The following ADAMTSL1 variants were observed in gnomAD, a reference collection of about 807,000 sequenced individuals.
ADAMTSL1 encodes ADAMTS-like protein 1.
ADAMTSL1 carries 126 observed loss-of-function variants against 201.8 expected under a neutral mutation model. The observed-to-expected ratio is 0.62, with a 90% CI of 0.54 to 0.72. The LOEUF is 0.72. Among genes scored for constraint, ADAMTSL1 ranks in the 30% least tolerant of loss-of-function variants. ADAMTSL1 has a pLI of 0.00. For synonymous variants in ADAMTSL1, 1,121 were observed against 903.4 expected, an observed-to-expected ratio of 1.24 and a Z score of -4.32; for missense variants, 2,679 against 2,277.8, an observed-to-expected ratio of 1.18 and a Z score of -3.59.
intron 2 of ADAMTSL1, among the ~76,000 whole-genome samples, chr9:18,175,778 A>C (rs1828119051): frequency 6.6e-6 from 1 of 152,106 alleles, no homozygotes; most frequent in East Asian, 1.9e-4. Context: ...GGGTCTCACT[A>C]TCTTTGCTCA....
chr9:18,903,689 C>T (rs553853979), intron 26 of ADAMTSL1, among the ~76,000 whole-genome samples: 31 of 146,082 alleles, frequency 2.1e-4, no homozygotes, highest in African/African-American at 7.5e-4. Context: ...TGCTTCTCTA[C>T]AGTTGTCCCT....
intron 1 of ADAMTSL1, among the ~76,000 whole-genome samples, chr9:18,047,879 G>C (rs1563968793): frequency 6.6e-6 from 1 of 152,222 alleles, no homozygotes; most frequent in Non-Finnish European, 1.5e-5. Context: ...CATCCAACAG[G>C]CAGTAGGGAG....
chr9:18,396,780 T>A (rs975225037), intron 2 of ADAMTSL1, among the ~76,000 whole-genome samples: 1 of 152,106 alleles, frequency 6.6e-6, no homozygotes, highest in African/African-American at 2.4e-5. Flanking sequence ...CTTAGTCACT[T>A]TTAAATTACA....
At chr9:18,662,125 T>G in intron 9 of ADAMTSL1, 52 bp downstream of exon 9, 1 of 1,569,414 alleles carries the variant, frequency 6.4e-7, no homozygotes, top group Non-Finnish European at 8.6e-7. Context: ...AAGTTCCAAA[T>G]AGGTTATTTA....
At chr9:18,603,950 TGCAGAAAGGGTGCTCAGTC>T (rs1246295374) in intron 4 of ADAMTSL1, among the ~76,000 whole-genome samples, 1 of 152,222 alleles carries the variant, frequency 6.6e-6, no homozygotes, top group Non-Finnish European at 1.5e-5. Flanking sequence ...CTTTACTTTC[TGCAGAAAGGGTGCTCAGTC>T]GCAGATGGAA....
chr9:18,454,953 A>C (rs1173807653), intron 2 of ADAMTSL1, among the ~76,000 whole-genome samples: 6 of 152,210 alleles, frequency 3.9e-5, no homozygotes, highest in Non-Finnish European at 8.8e-5. Flanking sequence ...AATAGAATTT[A>C]ATGTTTCACC....
chr9:18,283,928 A>AAAAAAAAAAAAAAAAAAAAAAG (rs1832892995), intron 2 of ADAMTSL1, among the ~76,000 whole-genome samples: 1 of 105,486 alleles, frequency 9.5e-6, no homozygotes, highest in African/African-American at 3.6e-5. Context: ...AAAAAAAAAA[A>AAAAAAAAAAAAAAAAAAAAAAG]AAGAAGAAGA....
chr9:18,326,468 A>C (rs559381933), intron 2 of ADAMTSL1, among the ~76,000 whole-genome samples: 1 of 152,172 alleles, frequency 6.6e-6, no homozygotes, highest in African/African-American at 2.4e-5. Flanking sequence ...GGAGTCAACA[A>C]TTTGAGACTG....
intron 7 of ADAMTSL1, among the ~76,000 whole-genome samples, chr9:18,643,632 G>GC (rs1827588316): frequency 6.6e-6 from 1 of 152,028 alleles, no homozygotes; most frequent in Admixed American, 6.6e-5. Context: ...ACATATGGAA[G>GC]TTTTTCCAAA....
chr9:18,058,524 G>GCATATTTTTTTTTT (rs1481310627), intron 1 of ADAMTSL1, among the ~76,000 whole-genome samples: 1 of 152,004 alleles, frequency 6.6e-6, no homozygotes, highest in African/African-American at 2.4e-5. Flanking sequence ...AATATTGTGA[G>GCATATTTTTTTTTT]CATATTTTTT....
At chr9:18,662,953 G>T (rs1829195226) in intron 9 of ADAMTSL1, among the ~76,000 whole-genome samples, 1 of 152,096 alleles carries the variant, frequency 6.6e-6, no homozygotes. Context: ...AAAAGACAAA[G>T]ATTCATTTTC....
chr9:18,295,212 G>C (rs1833429700), intron 2 of ADAMTSL1, among the ~76,000 whole-genome samples: 1 of 152,032 alleles, frequency 6.6e-6, no homozygotes, highest in Non-Finnish European at 1.5e-5. Flanking sequence ...TGAGGGCCCA[G>C]GTCAGTAAAT....
chr9:18,440,226 G>GA, intron 2 of ADAMTSL1, among the ~76,000 whole-genome samples: 2 of 152,178 alleles, frequency 1.3e-5, no homozygotes, highest in East Asian at 3.9e-4. Flanking sequence ...TGCATCCTGG[G>GA]AAACACACAC....
rs1357924476 is a variant in ADAMTSL1 at position 18,817,289 on chromosome 9, T to C, written c.3934+52T>C. On this transcript the variant is annotated intron_variant, in intron 21 of 28. Coordinates refer to ENST00000380548, the MANE Select transcript of ADAMTSL1 (RefSeq NM_001040272.6). ...CACGTTAATGGAGCCCTGTGCTAGG[T>C]TGGGGATACAAAGACAAATTAGACA... The C allele has an allele frequency of 1.6e-5, 24 of 1,521,988 alleles. No individual in the cohort carries two copies. In the East Asian group the frequency reaches 4.0e-4, roughly 25 times the overall value. The allele number at this position is 1,521,988 out of a possible 1,614,324, so 94.3% of individuals were successfully genotyped here. A position where few individuals can be genotyped will look rare whatever the true frequency, so the allele number is the denominator to read the frequency against.
intron 1 of ADAMTSL1, among the ~76,000 whole-genome samples, chr9:18,080,202 A>G (rs953855518): frequency 6.6e-6 from 1 of 152,216 alleles, no homozygotes; most frequent in African/African-American, 2.4e-5. Flanking sequence ...CAGAAGGAAA[A>G]GTCCTCAGTG....
chr9:18,069,970 A>G (rs1048449826), intron 1 of ADAMTSL1, among the ~76,000 whole-genome samples: 2 of 152,196 alleles, frequency 1.3e-5, no homozygotes, highest in Admixed American at 1.3e-4. Context: ...TGGTTTCAGA[A>G]CTTGTCATGG....
At chr9:18,908,325 C>T (rs1259469807) in intron 28 of ADAMTSL1, 117 bp from the exon 29 acceptor site, 1 of 851,528 alleles carries the variant, frequency 1.2e-6, no homozygotes, top group Non-Finnish European at 1.9e-6. Context: ...AAGGCAGACC[C>T]CAGGATGTAC....
intron 1 of ADAMTSL1, among the ~76,000 whole-genome samples, chr9:18,117,118 A>G (rs913576151): frequency 7.2e-5 from 11 of 152,084 alleles, no homozygotes; most frequent in Non-Finnish European, 1.0e-4. Flanking sequence ...ACTTGATGCC[A>G]CCACCTATTT....
At chr9:18,007,085 G>A (rs974329018) in intron 1 of ADAMTSL1, among the ~76,000 whole-genome samples, 58 of 152,148 alleles carry the variant, frequency 3.8e-4, no homozygotes, top group African/African-American at 1.3e-3. Context: ...TTGGAGCTGT[G>A]AGCCTAGGAT....
Sources: gnomAD v4.1 joint callset for allele counts (sites outside exome capture counted in the v4.1 genomes callset) on GRCh38, gnomAD v4.1.1 for gene constraint, MANE v1.5 for transcripts, NCBI Gene and HGNC (gene_info 2026-07-23, HGNC 2026-07-21) for gene names.